Variants in ZNFX1 observed in about 807,000 individuals in gnomAD.
ZNFX1 encodes NFX1-type zinc finger-containing protein 1.
In ZNFX1, 78 loss-of-function variants were observed where a neutral mutation model predicts 179.8. The ratio of observed to expected loss-of-function variants is 0.43; its 90% CI spans 0.36 to 0.52. ZNFX1 has a LOEUF of 0.52. ZNFX1 is among the 20% of genes least tolerant of loss of function. The probability of loss-of-function intolerance (pLI) is 0.00; values close to 1 mark genes in which losing one functional copy is unlikely to be tolerated. For missense variants in ZNFX1, 1,927 were observed against 2,386.6 expected (o/e 0.81, Z 4.01); for synonymous variants, 848 against 868.5 (o/e 0.98, Z 0.42).
In ZNFX1 at chr20:49,264,831, C is replaced by A; in HGVS notation, c.2036G>T (p.Arg679Leu). Residue 679 changes from arginine to leucine, a missense_variant, in exon 5 of 14, where the codon CGG becomes CTG. Arg to Leu is a moderately radical substitution (Grantham distance 102). Transcript: ENST00000396105. ...IYNCQKTSIV[R>L]VGGRSNSEIL... ...TTCACTGTTGCTCCTTCCACCCACC[C>A]GCACAATGCTGGTCTTCTGACAATT... is the stretch of plus-strand genomic sequence containing the variant. 6.2e-7 allele frequency: 1 copy of A among 1,614,188 alleles called. No individual in the cohort carries two copies. The highest frequency in any genetic ancestry group is 8.5e-7 in the Non-Finnish European group (1 of 1,180,044).
chr20:49,247,695 C>T lies in ZNFX1; in HGVS notation c.5329G>A (p.Glu1777Lys). The T allele has an allele frequency of 6.2e-7, 1 of 1,614,244 alleles. No individual in the cohort carries two copies. Among genetic ancestry groups the T allele is most frequent in the Non-Finnish European group, 8.5e-7 (1 of 1,180,052 alleles). ...GCTATGCTATCTTTCACCTTCTTCT[C>T]TGCTATCTTGTAGCGGGTCAGAAGG... ...VNLLTRYKIA[E>K]KKVKDSIAVE... Residue 1777 changes from glutamate to lysine, a missense_variant, in exon 14 of 14, where the codon GAG (glutamate) becomes AAG (lysine). Glu to Lys is a moderately conservative substitution (Grantham distance 56, BLOSUM62 1). Coordinates refer to ENST00000396105, the MANE Select transcript of ZNFX1 (RefSeq NM_021035.3).
chr20:49,272,399 A>C (rs1205928087), intron 2 of ZNFX1, among the ~76,000 whole-genome samples: 1 of 151,546 alleles, frequency 6.6e-6, no homozygotes, highest in Non-Finnish European at 1.5e-5. Flanking sequence ...CTGGTCTTGA[A>C]CTCCTGACAT....
rs1980674366 is a variant in ZNFX1, at chr20:49,246,464, G to T, written c.*803C>A. On this transcript the variant is annotated 3_prime_UTR_variant, in exon 14 of 14. Transcript: ENST00000396105. ...CGTGCCTCCATCTCCTGGAGGCAGG[G>T]TGCCCAAGGAGGGCAGGGAGGGGTT... 1 of 162,050 alleles carries T rather than the reference G, an allele frequency of 6.2e-6. No homozygotes were observed. The highest frequency in any genetic ancestry group is 2.4e-5 in the African/African-American group (1 of 41,488). The allele number at this position is 162,050 out of a possible 1,614,324, so 10.0% of individuals were successfully genotyped here.
Position 49,270,338 on chromosome 20 carries a change from G to C in ZNFX1, c.1474C>G (p.Gln492Glu). Residue 492 changes from glutamine (Q) to glutamate (E), a missense_variant, in exon 3 of 14, where the codon CAG becomes GAG. Physicochemically the swap from Gln to Glu is conservative, Grantham distance 29 (BLOSUM62 2). Transcript: ENST00000396105. The surrounding 1 kb of genome is among the most constrained non-coding windows in gnomAD (Gnocchi z 4.6). ...GAGGGCTGGACCTCTGCTAGCAGCTGTTGGCTTTGCTCATTGAAGCAGAGC... is the reference window on the plus strand; with the variant it reads ...GAGGGCTGGACCTCTGCTAGCAGCTCTTGGCTTTGCTCATTGAAGCAGAGC... ...VQLCFNEQSQ[Q>E]LLAEVQPSDS... The C allele has an allele frequency of 6.2e-7, 1 of 1,614,176 alleles. No individual in the cohort carries two copies. The highest frequency in any genetic ancestry group is 1.3e-5 in the African/African-American group (1 of 75,064).
chr20:49,265,782 AG>A (rs1375724508), intron 4 of ZNFX1, among the ~76,000 whole-genome samples: 11 of 152,208 alleles, frequency 7.2e-5, no homozygotes, highest in African/African-American at 2.7e-4. Flanking sequence ...CTGAGAAGAG[AG>A]ATTTAAAGTG....
chr20:49,262,366 A>G (rs1420661455), intron 6 of ZNFX1, among the ~76,000 whole-genome samples: 1 of 149,850 alleles, frequency 6.7e-6, no homozygotes, highest in Non-Finnish European at 1.5e-5. Context: ...AGATCGCGCC[A>G]TTGCACTGCA....
At chr20:49,262,570 T>C (rs977784628) in intron 6 of ZNFX1, among the ~76,000 whole-genome samples, 8 of 152,308 alleles carry the variant, frequency 5.3e-5, no homozygotes, top group Admixed American at 5.2e-4. Flanking sequence ...CACAGTCCTC[T>C]CCGCTTCTTA....
At chr20:49,258,440 GA>G (rs1981027485) in intron 7 of ZNFX1, among the ~76,000 whole-genome samples, 1 of 152,144 alleles carries the variant, frequency 6.6e-6, no homozygotes, top group African/African-American at 2.4e-5. Flanking sequence ...GGAGAGTTAG[GA>G]AAGGCTTAAG....
chr20:49,270,597 A>C lies in ZNFX1; in HGVS notation c.1215T>G (p.Phe405Leu). ...TGTCAAAGTAGATTCGGATGTCATC[A>C]AACTTTCTCTTCCTCAGGCCCTGGT... ...FEDQGLRKRK[F>L]DDIRIYFDTR... The change falls in exon 3 of 14, where the codon TTT (phenylalanine) becomes TTG (leucine). Residue 405 changes from phenylalanine to leucine, a missense_variant. By Grantham distance (22) the Phe-to-Leu change is conservative. Transcript: ENST00000396105. The surrounding 1 kb of genome is among the most constrained non-coding windows in gnomAD (Gnocchi z 4.6). 1 of 1,614,194 alleles carries C rather than the reference A, an allele frequency of 6.2e-7. No homozygotes were observed. Among genetic ancestry groups the C allele is most frequent in the Non-Finnish European group, 8.5e-7 (1 of 1,180,024 alleles).
chr20:49,256,568 C>T (rs1186060773), intron 8 of ZNFX1, among the ~76,000 whole-genome samples: 1 of 152,194 alleles, frequency 6.6e-6, no homozygotes, highest in African/African-American at 2.4e-5. Flanking sequence ...GAGTCTGAGG[C>T]TATGAGCCTT....
rs752215842 is a variant in ZNFX1 at position 49,270,282 on chromosome 20, T to C, written c.1530A>G (p.Ala510=). 8.7e-6 allele frequency: 14 copies of C among 1,613,982 alleles called. No individual in the cohort carries two copies. The highest frequency in any genetic ancestry group is 1.2e-5 in the Non-Finnish European group (14 of 1,180,042). ...SDSFLMVETT[A]YFEAYRHVLE... is the part of the protein sequence containing the mutation. ...GGACGTGCCTGTAGGCCTCAAAGTA[T>C]GCAGTTGTCTCTACCATGAGGAAAG... The change falls in exon 3 of 14, where the codon GCA becomes GCG. Residue 510 remains alanine (A), a synonymous_variant. Transcript: ENST00000396105. The surrounding 1 kb of genome is among the most constrained non-coding windows in gnomAD (Gnocchi z 4.6).
intron 2 of ZNFX1, among the ~76,000 whole-genome samples, chr20:49,274,904 C>T (rs1981512597): frequency 3.3e-5 from 5 of 152,048 alleles, no homozygotes; most frequent in South Asian, 2.1e-4. Flanking sequence ...AGGCGGATCA[C>T]GAGGTCAGGA....
intron 4 of ZNFX1, 22 bp from the exon 5 acceptor site, chr20:49,264,886 G>A (rs902355036): frequency 1.2e-6 from 2 of 1,614,170 alleles, no homozygotes; most frequent in Non-Finnish European, 1.7e-6. Context: ...AGTGGAGCAT[G>A]GCAGGGTTGA....
chr20:49,248,112 G>A lies in ZNFX1; in HGVS notation c.4912C>T (p.Gln1638Ter). The A allele has an allele frequency of 1.2e-6, 2 of 1,614,190 alleles. No individual in the cohort carries two copies. Among genetic ancestry groups the A allele is most frequent in the East Asian group, 2.2e-5 (1 of 44,884 alleles). ...ATGATTTCAATCTCTTCTAGCCGCT[G>A]TTTTATGCTAGTTCCATACCTCAGG... Reference protein sequence around the residue: ...KNLRYGTSIKQRLEEIEIIKE... With the variant: ...KNLRYGTSIK Residue 1638 changes from glutamine to a stop codon, truncating the protein, a stop_gained, in exon 14 of 14, where the codon CAG becomes TAG. Transcript: ENST00000396105. LOFTEE classifies it high-confidence loss of function. This position sits in a 1 kb window ranked among gnomAD's most constrained non-coding sequence, Gnocchi z 4.6.
intron 6 of ZNFX1, 77 bp from the exon 7 acceptor site, chr20:49,260,654 A>C: frequency 9.1e-7 from 1 of 1,093,696 alleles, no homozygotes; most frequent in Non-Finnish European, 1.3e-6. Context: ...AAAGAATCAA[A>C]AGCAGATTGG....
intron 1 of ZNFX1, among the ~76,000 whole-genome samples, chr20:49,276,243 A>C (rs2146745643): frequency 6.6e-6 from 1 of 152,320 alleles, no homozygotes; most frequent in Non-Finnish European, 1.5e-5. Context: ...CTTTCCTAAG[A>C]AGCAGACAAT....
Position 49,270,536 on chromosome 20 carries a change from T to G in ZNFX1, c.1276A>C (p.Ile426Leu). ...IITPMCSSSG[I>L]VYKVQFDTKP... is the part of the protein sequence containing the mutation. ...GTGTCAAACTGCACCTTGTAGACTA[T>G]GCCTGATGATGAACACATGGGGGTG... The change falls in exon 3 of 14, where the codon ATA (isoleucine) becomes CTA (leucine). Residue 426 changes from isoleucine to leucine, a missense_variant. Coordinates refer to ENST00000396105, the MANE Select transcript of ZNFX1 (RefSeq NM_021035.3). The surrounding 1 kb of genome is among the most constrained non-coding windows in gnomAD (Gnocchi z 4.6). The G allele has an allele frequency of 6.2e-7, 1 of 1,614,272 alleles. No individual in the cohort carries two copies. Among genetic ancestry groups the G allele is most frequent in the Non-Finnish European group, 8.5e-7 (1 of 1,180,054 alleles).
At position 49,270,586 on chromosome 20, in the gene ZNFX1, C is replaced by T. The variant is rs1232908454; in HGVS notation, c.1226G>A (p.Arg409Gln). 6 of 1,614,144 alleles carry T rather than the reference C, an allele frequency of 3.7e-6. No individual in the cohort carries two copies. The East Asian group carries it at 6.7e-5, about 18-fold the overall frequency. Residue 409 changes from arginine (R) to glutamine (Q), a missense_variant, in exon 3 of 14, where the codon CGA becomes CAA. Transcript: ENST00000396105. This position sits in a 1 kb window ranked among gnomAD's most constrained non-coding sequence, Gnocchi z 4.6. Reference protein sequence around the residue: ...GLRKRKFDDIRIYFDTRIITP... With the variant: ...GLRKRKFDDIQIYFDTRIITP... The stretch of plus-strand genomic sequence containing the variant: ...GATAATCCTGGTGTCAAAGTAGATT[C>T]GGATGTCATCAAACTTTCTCTTCCT...
At chr20:49,252,594 A>C in intron 12 of ZNFX1, 126 bp downstream of exon 12, 1 of 632,210 alleles carries the variant, frequency 1.6e-6, no homozygotes. Flanking sequence ...AGAAAATGTA[A>C]GGTTGACAGA....
Sources: allele counts gnomAD v4.1 joint callset (sites outside exome capture counted in the v4.1 genomes callset), GRCh38; gene constraint gnomAD v4.1.1; non-coding constraint Gnocchi (gnomAD v3.1); transcripts MANE v1.5; gene names NCBI Gene and HGNC (gene_info 2026-07-23, HGNC 2026-07-21).